Variants in LRMDA observed in about 807,000 individuals in gnomAD.
The protein encoded by LRMDA is leucine rich melanocyte differentiation associated.
Under a neutral mutation model 29.8 loss-of-function variants are expected in LRMDA, and 18 were observed. The ratio of observed to expected loss-of-function variants is 0.60; its 90% CI spans 0.42 to 0.90. LRMDA has a LOEUF of 0.90. LRMDA is among the 40% of genes least tolerant of loss of function. The pLI is 0.00. For missense variants in LRMDA, 273 were observed against 273.9 expected (o/e 1.00, Z 0.02); for synonymous variants, 125 against 109.4 (o/e 1.14, Z -0.89).
chr10:75,891,785 G>A (rs966441068), intron 2 of LRMDA, among the ~76,000 whole-genome samples: 1 of 152,200 alleles, frequency 6.6e-6, no homozygotes, highest in African/African-American at 2.4e-5. Flanking sequence ...TACCATGTAA[G>A]AGACAGAGAT....
chr10:76,191,475 A>ACT (rs1282007845), intron 5 of LRMDA, among the ~76,000 whole-genome samples: 7 of 152,198 alleles, frequency 4.6e-5, no homozygotes, highest in African/African-American at 1.7e-4. Flanking sequence ...TCAGCCCCTG[A>ACT]TAAGAGGCTG....
rs191897530 is a variant in LRMDA at position 76,520,780 on chromosome 10, G to A, written c.602-36429G>A. Among the ~76,000 whole-genome samples, 5 of 152,182 alleles carry A rather than the reference G, an allele frequency of 3.3e-5. No homozygotes were observed. The East Asian group carries it at 9.7e-4, about 29-fold the overall frequency. Reference sequence around the variant, plus strand: ...CAAATTCTCAGGCTTTGCTGAGAATGTTCTTTGCCAGGGATATTTTTTCTC... The same window carrying A: ...CAAATTCTCAGGCTTTGCTGAGAATATTCTTTGCCAGGGATATTTTTTCTC... On this transcript the variant is annotated intron_variant, in intron 6 of 6. Coordinates refer to ENST00000611255, the MANE Select transcript of LRMDA (RefSeq NM_001305581.2).
intron 2 of LRMDA, among the ~76,000 whole-genome samples, chr10:75,670,544 G>A (rs1039898415): frequency 3.3e-5 from 5 of 152,208 alleles, no homozygotes; most frequent in Non-Finnish European, 2.9e-5. Flanking sequence ...AGATGGTGAG[G>A]AGCTGGCTTT....
chr10:75,947,401 C>T (rs953486061), intron 2 of LRMDA, among the ~76,000 whole-genome samples: 2 of 152,250 alleles, frequency 1.3e-5, no homozygotes, highest in African/African-American at 4.8e-5. Flanking sequence ...CATGCTAGTT[C>T]GCAAGCCTCA....
intron 2 of LRMDA, among the ~76,000 whole-genome samples, chr10:75,712,795 T>TC (rs1161379192): frequency 6.6e-6 from 1 of 150,608 alleles, no homozygotes; most frequent in Non-Finnish European, 1.5e-5. Context: ...TTTTTCAGCG[T>TC]CCCCCCACCC....
intron 2 of LRMDA, among the ~76,000 whole-genome samples, chr10:76,031,455 G>A (rs975368608): frequency 3.3e-5 from 5 of 151,984 alleles, no homozygotes; most frequent in South Asian, 2.1e-4. Context: ...TTTATTGGCC[G>A]TTTTTTTCTT....
At chr10:76,459,019 C>A (rs962333589) in intron 6 of LRMDA, among the ~76,000 whole-genome samples, 11 of 152,220 alleles carry the variant, frequency 7.2e-5, no homozygotes, top group Admixed American at 3.3e-4. Context: ...TACTAAGAGC[C>A]TAGCCAGATG....
chr10:76,465,233 A>G (rs1842552532), intron 6 of LRMDA, among the ~76,000 whole-genome samples: 1 of 152,198 alleles, frequency 6.6e-6, no homozygotes, highest in South Asian at 2.1e-4. Flanking sequence ...GTCACCAGGA[A>G]TATTTGTGGC....
intron 2 of LRMDA, among the ~76,000 whole-genome samples, chr10:75,707,927 T>C (rs1842389795): frequency 6.6e-6 from 1 of 152,194 alleles, no homozygotes; most frequent in African/African-American, 2.4e-5. Flanking sequence ...CGGTCAGGAT[T>C]ATTTAAATGT....
chr10:75,772,867 G>T (rs1349935538), intron 2 of LRMDA, among the ~76,000 whole-genome samples: 1 of 88,674 alleles, frequency 1.1e-5, no homozygotes, highest in African/African-American at 3.8e-5. Context: ...GGGGGGGTGG[G>T]ATGGGGGGGG....
chr10:76,421,452 C>A (rs1011097647), intron 6 of LRMDA, among the ~76,000 whole-genome samples: 1 of 152,020 alleles, frequency 6.6e-6, no homozygotes, highest in African/African-American at 2.4e-5. Context: ...ACTTTGAAAT[C>A]CATTATGAAA....
intron 2 of LRMDA, among the ~76,000 whole-genome samples, chr10:75,467,956 T>TCA (rs61295526): frequency 0.29 from 37,076 of 129,734 alleles, 5,006 homozygotes; most frequent in Non-Finnish European, 0.3. Context: ...TGAGACTCCG[T>TCA]CACACACACA....
intron 2 of LRMDA, among the ~76,000 whole-genome samples, chr10:75,859,905 C>T (rs574720820): frequency 1.3e-5 from 2 of 152,118 alleles, no homozygotes; most frequent in East Asian, 3.9e-4. Context: ...ATTTTTTTCC[C>T]TTGGTGAATG....
chr10:76,399,849 A>G (rs923042664), intron 6 of LRMDA, among the ~76,000 whole-genome samples: 26 of 152,182 alleles, frequency 1.7e-4, no homozygotes, highest in African/African-American at 6.3e-4. Context: ...TTTTTCATTG[A>G]GTCTAATCAT....
chr10:75,635,192 G>A (rs1262622756), intron 2 of LRMDA, among the ~76,000 whole-genome samples: 1 of 152,106 alleles, frequency 6.6e-6, no homozygotes, highest in Non-Finnish European at 1.5e-5. Context: ...TTTTGAGTTC[G>A]TAAATCAGTA....
intron 6 of LRMDA, among the ~76,000 whole-genome samples, chr10:76,365,083 C>CATATATATAT (rs1564521424): frequency 1.4e-4 from 7 of 50,926 alleles, no homozygotes; most frequent in Admixed American, 2.0e-4. Flanking sequence ...CACACACACA[C>CATATATATAT]ACATATATAT....
At chr10:75,586,723 A>G (rs915951643) in intron 2 of LRMDA, among the ~76,000 whole-genome samples, 3 of 151,818 alleles carry the variant, frequency 2.0e-5, no homozygotes, top group Non-Finnish European at 4.4e-5. Flanking sequence ...CCTGATGGTT[A>G]GTGACATTGA....
chr10:76,222,636 G>C (rs948852519), intron 5 of LRMDA, among the ~76,000 whole-genome samples: 1 of 152,204 alleles, frequency 6.6e-6, no homozygotes. Flanking sequence ...TAGAGAGGAT[G>C]TGGAGAAATA....
intron 6 of LRMDA, among the ~76,000 whole-genome samples, chr10:76,442,008 A>C (rs1307538024): frequency 6.6e-6 from 1 of 152,044 alleles, no homozygotes. Context: ...CCCACATTTA[A>C]ATGGACAAAG....
Sources: gnomAD v4.1 joint callset for allele counts (sites outside exome capture counted in the v4.1 genomes callset) on GRCh38, gnomAD v4.1.1 for gene constraint, MANE v1.5 for transcripts, NCBI Gene and HGNC (gene_info 2026-07-23, HGNC 2026-07-21) for gene names.